SAMMSON: variants seen among roughly 807,000 people sequenced by gnomAD.
SAMMSON encodes long intergenic non-protein coding RNA 1212.
intron 9 of SAMMSON, among the ~76,000 whole-genome samples, chr3:70,370,372 C>G (rs527650710): frequency 6.6e-6 from 1 of 151,760 alleles, no homozygotes; most frequent in Non-Finnish European, 1.5e-5. Context: ...TTTAATTTTT[C>G]GAGAAATCTC....
intron 4 of SAMMSON, among the ~76,000 whole-genome samples, chr3:70,080,942 C>T (rs1258238306): frequency 6.6e-6 from 1 of 152,050 alleles, no homozygotes. Flanking sequence ...CATGTGCAGC[C>T]CAGGGAGGTG....
At chr3:70,396,564 A>G (rs1283565909) in intron 2 of SAMMSON, among the ~76,000 whole-genome samples, 1 of 152,214 alleles carries the variant, frequency 6.6e-6, no homozygotes. Flanking sequence ...AAAATATTTT[A>G]ACTTTAGATA....
At position 70,232,235 on chromosome 3, in the gene SAMMSON, A is replaced by G. The variant is rs529856133; in HGVS notation, n.508-16872A>G. The stretch of plus-strand genomic sequence containing the variant: ...CCATGTGAAATGTTAATGCTTTTCA[A>G]CAGCTTTGGACACACCAAGTAGCTA... On this transcript the variant is annotated intron_variant and non_coding_transcript_variant, in intron 4 of 9. Transcript: ENST00000642114. 5.9e-5 allele frequency among the ~76,000 whole-genome samples: 9 copies of G among 152,306 alleles called. No homozygotes were observed. The South Asian group carries it at 1.9e-3, about 32-fold the overall frequency.
intron 4 of SAMMSON, among the ~76,000 whole-genome samples, chr3:70,109,298 T>C (rs1371412325): frequency 6.6e-6 from 1 of 152,172 alleles, no homozygotes; most frequent in Admixed American, 6.5e-5. Context: ...TCTCCTAGAC[T>C]GGACTCCTAC....
intron 4 of SAMMSON, among the ~76,000 whole-genome samples, chr3:70,219,614 G>C (rs1701444110): frequency 2.0e-5 from 3 of 152,096 alleles, no homozygotes; most frequent in African/African-American, 7.2e-5. Flanking sequence ...CAACAGAATG[G>C]ATCCAAAGGG....
chr3:70,260,286 G>C (rs1363259902), intron 6 of SAMMSON, among the ~76,000 whole-genome samples: 1 of 152,136 alleles, frequency 6.6e-6, no homozygotes, highest in African/African-American at 2.4e-5. Flanking sequence ...CCCTGTGTGT[G>C]TCTGTGTCTT....
At chr3:70,149,760 T>C (rs1000154631) in intron 4 of SAMMSON, among the ~76,000 whole-genome samples, 5 of 152,110 alleles carry the variant, frequency 3.3e-5, no homozygotes, top group African/African-American at 1.2e-4. Context: ...CTTGGACCAC[T>C]ATTGGCTTAA....
chr3:70,199,563 A>G (rs1448544103), intron 4 of SAMMSON, among the ~76,000 whole-genome samples: 1 of 152,168 alleles, frequency 6.6e-6, no homozygotes, highest in Non-Finnish European at 1.5e-5. Flanking sequence ...AATTGAAAAC[A>G]GATTTTTCCG....
At chr3:70,362,014 A>G (rs898916061) in intron 9 of SAMMSON, among the ~76,000 whole-genome samples, 6 of 152,136 alleles carry the variant, frequency 3.9e-5, no homozygotes, top group African/African-American at 1.4e-4. Flanking sequence ...TCCCGAGATG[A>G]ATGTTTACAC....
intron 4 of SAMMSON, among the ~76,000 whole-genome samples, chr3:70,145,847 A>T (rs1159900041): frequency 6.6e-6 from 1 of 151,930 alleles, no homozygotes; most frequent in African/African-American, 2.4e-5. Context: ...TAATAAAGAT[A>T]GGAGAAATCA....
intron 2 of SAMMSON, chr3:70,424,906 A>G (rs1196090607): frequency 6.6e-6 from 1 of 152,140 alleles, no homozygotes; most frequent in Non-Finnish European, 1.5e-5. Context: ...GAGGGATAGA[A>G]TTGCCCCCAG....
intron 3 of SAMMSON, among the ~76,000 whole-genome samples, chr3:70,034,922 T>C (rs2067079838): frequency 6.6e-6 from 1 of 152,196 alleles, no homozygotes; most frequent in Non-Finnish European, 1.5e-5. Context: ...TAGGTTAGAA[T>C]TGTTCTATTA....
intron 4 of SAMMSON, among the ~76,000 whole-genome samples, chr3:70,198,638 A>G (rs1701205144): frequency 6.6e-6 from 1 of 152,136 alleles, no homozygotes; most frequent in African/African-American, 2.4e-5. Context: ...CTTCCCAGAA[A>G]GATGGTGGTA....
intron 7 of SAMMSON, among the ~76,000 whole-genome samples, chr3:70,304,084 C>T (rs1702377211): frequency 6.6e-6 from 1 of 152,040 alleles, no homozygotes; most frequent in Non-Finnish European, 1.5e-5. Context: ...ATTGCAATCC[C>T]AAATGTCAAC....
At chr3:70,252,191 G>A (rs566283570) in intron 6 of SAMMSON, among the ~76,000 whole-genome samples, 7 of 152,248 alleles carry the variant, frequency 4.6e-5, no homozygotes, top group African/African-American at 1.4e-4. Flanking sequence ...CTGTTACTTG[G>A]CAAAATTGAA....
chr3:70,275,948 A>G (rs1164539747), intron 6 of SAMMSON, among the ~76,000 whole-genome samples: 1 of 152,172 alleles, frequency 6.6e-6, no homozygotes, highest in East Asian at 1.9e-4. Context: ...AGCTTTGATT[A>G]ATATTCTTAA....
In SAMMSON at chr3:70,100,483, A is replaced by G. The variant is rs1334876106; in HGVS notation, n.507+28918A>G. 3.5e-5 allele frequency among the ~76,000 whole-genome samples: 5 copies of G among 143,568 alleles called. No homozygotes were observed. The East Asian group carries it at 1.1e-3, about 33-fold the overall frequency. 94.2% of individuals were successfully genotyped at this position (143,568 alleles called of 152,430 possible). ...TTTCAAACCAGCAGCATTTTTATCC[A>G]GTTTTCAAAGGCAGTTATCCACTTG... On this transcript the variant is annotated intron_variant and non_coding_transcript_variant, in intron 4 of 9. Coordinates refer to ENST00000642114, the Ensembl canonical transcript of SAMMSON.
chr3:70,414,112 CTG>C, intron 2 of SAMMSON, among the ~76,000 whole-genome samples: 1 of 152,190 alleles, frequency 6.6e-6, no homozygotes, highest in East Asian at 1.9e-4. Context: ...TGAGAGGCCT[CTG>C]AAAATCTCTA....
intron 4 of SAMMSON, among the ~76,000 whole-genome samples, chr3:70,082,418 T>A (rs1177363947): frequency 6.6e-6 from 1 of 152,142 alleles, no homozygotes; most frequent in African/African-American, 2.4e-5. Context: ...TCTGCAGAAA[T>A]GACATTTAAT....
Sources: allele counts gnomAD v4.1 joint callset (sites outside exome capture counted in the v4.1 genomes callset), GRCh38; gene constraint gnomAD v4.1.1; transcripts MANE v1.5; gene names NCBI Gene and HGNC (gene_info 2026-07-23, HGNC 2026-07-21).